SLC6A15: variants seen among roughly 807,000 people sequenced by gnomAD.
The protein encoded by SLC6A15 is solute carrier family 6 member 15.
Under a neutral mutation model 68.5 loss-of-function variants are expected in SLC6A15, and 33 were observed. The observed-to-expected ratio is 0.48, with a 90% CI of 0.37 to 0.64. The LOEUF is 0.64. Ranked by LOEUF, SLC6A15 falls within the 30% of genes least tolerant of loss-of-function variation. The probability of loss-of-function intolerance (pLI) is 0.00; values close to 1 mark genes in which losing one functional copy is unlikely to be tolerated. For synonymous variants in SLC6A15, 347 were observed against 301.0 expected (o/e 1.15, Z -1.58); for missense variants, 747 against 874.3 (o/e 0.85, Z 1.84).
At chr12:84,911,148 A>T (rs751795094) in intron 1 of SLC6A15, among the ~76,000 whole-genome samples, 2 of 152,200 alleles carry the variant, frequency 1.3e-5, no homozygotes, top group Non-Finnish European at 2.9e-5. Flanking sequence ...GTGTCTGCAC[A>T]TAATAATTCC....
intron 1 of SLC6A15, among the ~76,000 whole-genome samples, chr12:84,895,109 G>A (rs1872583194): frequency 6.6e-6 from 1 of 151,684 alleles, no homozygotes; most frequent in Non-Finnish European, 1.5e-5. Flanking sequence ...GTCTGGGGTG[G>A]TTGTAGGAAG....
At chr12:84,900,307 A>G (rs1263037631) in intron 1 of SLC6A15, among the ~76,000 whole-genome samples, 2 of 152,020 alleles carry the variant, frequency 1.3e-5, no homozygotes, top group Non-Finnish European at 2.9e-5. Flanking sequence ...CTGATTTTTA[A>G]TATAGGTTTC....
At chr12:84,889,874 C>A (rs1433125561) in intron 2 of SLC6A15, among the ~76,000 whole-genome samples, 1 of 152,164 alleles carries the variant, frequency 6.6e-6, no homozygotes, top group Admixed American at 6.5e-5. Context: ...CTATACTATA[C>A]CACCTACTTC....
At chr12:84,871,243 C>T (rs1871273108) in intron 8 of SLC6A15, among the ~76,000 whole-genome samples, 1 of 150,082 alleles carries the variant, frequency 6.7e-6, no homozygotes, top group South Asian at 2.1e-4. Flanking sequence ...TTATAAAAAG[C>T]CAATTTTTAA....
At chr12:84,894,089 C>T (rs938277230) in intron 1 of SLC6A15, among the ~76,000 whole-genome samples, 4 of 152,082 alleles carry the variant, frequency 2.6e-5, no homozygotes, top group African/African-American at 9.7e-5. Flanking sequence ...TGAGGTTTGA[C>T]ATTTTGTCTG....
chr12:84,891,662 C>G (rs560415717), intron 2 of SLC6A15, among the ~76,000 whole-genome samples, 170 bp downstream of exon 2: 1 of 152,174 alleles, frequency 6.6e-6, no homozygotes, highest in Non-Finnish European at 1.5e-5. Flanking sequence ...CCTGTGGAAA[C>G]GTAATCTGAA....
intron 10 of SLC6A15, among the ~76,000 whole-genome samples, chr12:84,865,953 G>GT (rs1871046630): frequency 6.6e-6 from 1 of 152,160 alleles, no homozygotes; most frequent in Non-Finnish European, 1.5e-5. Flanking sequence ...TAAATACCAA[G>GT]TAGCATGATT....
At chr12:84,880,287 G>A (rs1871761848) in intron 5 of SLC6A15, among the ~76,000 whole-genome samples, 1 of 152,054 alleles carries the variant, frequency 6.6e-6, no homozygotes, top group African/African-American at 2.4e-5. Flanking sequence ...AAATATCTGT[G>A]TCATTTATAA....
chr12:84,859,814 A>G lies in SLC6A15; in HGVS notation c.*1818T>C, dbSNP rs572083890. The G allele has an allele frequency of 2.0e-5, 3 of 152,174 alleles. No individual in the cohort carries two copies. The highest frequency in any genetic ancestry group is 4.1e-4 in the South Asian group (2 of 4,830). 9.4% of individuals were successfully genotyped at this position (152,174 alleles called of 1,614,324 possible). On this transcript the variant is annotated 3_prime_UTR_variant, in exon 12 of 12. Transcript: ENST00000266682. ...CTGTCCAAAATAAATTATTCACAGA[A>G]ATAGGTAAGATATAGAAGAGAGAAT...
intron 5 of SLC6A15, among the ~76,000 whole-genome samples, chr12:84,878,352 C>A (rs183966239): frequency 6.6e-6 from 1 of 152,038 alleles, no homozygotes. Context: ...ATTCTCCCTG[C>A]GTACTTTTGG....
intron 5 of SLC6A15, among the ~76,000 whole-genome samples, chr12:84,879,571 C>T (rs936828070): frequency 6.6e-6 from 1 of 151,746 alleles, no homozygotes; most frequent in African/African-American, 2.4e-5. Flanking sequence ...GGCAATCCAC[C>T]CGCCTCGGCC....
At chr12:84,904,250 A>AGAGAGAGAGAGAGAGAGAGAGAGAGAGAG (rs58378838) in intron 1 of SLC6A15, among the ~76,000 whole-genome samples, 32 of 149,380 alleles carry the variant, frequency 2.1e-4, no homozygotes, top group African/African-American at 6.7e-4. Context: ...AGAGAGAGAG[A>AGAGAGAGAGAGAGAGAGAGAGAGAGAGAG]AATAGTCTCA....
chr12:84,884,839 T>A (rs576039854), intron 4 of SLC6A15, among the ~76,000 whole-genome samples: 76 of 152,036 alleles, frequency 5.0e-4, no homozygotes, highest in Non-Finnish European at 9.3e-4. Context: ...TTAGAGTAAT[T>A]ATATATTGAA....
At chr12:84,866,999 A>G (rs1407770114) in intron 10 of SLC6A15, 35 bp downstream of exon 10, 3 of 1,450,368 alleles carry the variant, frequency 2.1e-6, no homozygotes, top group Non-Finnish European at 2.8e-6. Flanking sequence ...CAAACTAGAG[A>G]TTAAAAGTGA....
intron 1 of SLC6A15, among the ~76,000 whole-genome samples, chr12:84,902,013 A>G (rs1872905568): frequency 6.6e-6 from 1 of 151,918 alleles, no homozygotes; most frequent in African/African-American, 2.4e-5. Context: ...CAATTAGTTT[A>G]TAGTTATGGT....
Position 84,892,138 on chromosome 12 carries a change from AT to A in SLC6A15, c.-19del. The A allele has an allele frequency of 1.6e-5, 21 of 1,340,604 alleles. No homozygotes were observed. Among genetic ancestry groups the A allele is most frequent in the South Asian group, 4.4e-5 (3 of 68,174 alleles). The allele number at this position is 1,340,604 out of a possible 1,614,324, so 83.0% of individuals were successfully genotyped here. On this transcript the variant is annotated 5_prime_UTR_variant, in exon 2 of 12. Transcript: ENST00000266682. ...TTGGGCATTGGAGAGTATGCGAAGT[AT>A]TTAAAAAAAAAAAAAAAAACTCCCT...
intron 4 of SLC6A15, among the ~76,000 whole-genome samples, chr12:84,885,211 C>G (rs1872034468): frequency 6.6e-6 from 1 of 151,998 alleles, no homozygotes; most frequent in Admixed American, 6.6e-5. Flanking sequence ...ACCCTAATAT[C>G]TTAGGGCATA....
Position 84,892,042 on chromosome 12 carries a change from CA to C in SLC6A15, c.78del (p.Asn26LysfsTer14). The C allele has an allele frequency of 6.2e-7, 1 of 1,612,896 alleles. No individual in the cohort carries two copies. Among genetic ancestry groups the C allele is most frequent in the Non-Finnish European group, 8.5e-7 (1 of 1,179,618 alleles). ...TTAAAAGCATCATCAGCTGCGTCTT[CA>C]TTGGAAAGAAGGTCTTTGACAGACT... Reference protein sequence around the residue: ...VTESVKDLLSNEDAADDAFKT... With the variant: ...VTESVKDLLSXEDAADDAFKT... On this transcript the variant is annotated frameshift_variant, in exon 2 of 12. Coordinates refer to ENST00000266682, the MANE Select transcript of SLC6A15 (RefSeq NM_182767.6). LOFTEE classifies it high-confidence loss of function.
intron 11 of SLC6A15, among the ~76,000 whole-genome samples, chr12:84,863,238 A>G (rs1870924583): frequency 6.6e-6 from 1 of 152,162 alleles, no homozygotes; most frequent in African/African-American, 2.4e-5. Context: ...AGTGCTTCAC[A>G]TGTGTTGAAA....
Sources: gnomAD v4.1 joint callset for allele counts (sites outside exome capture counted in the v4.1 genomes callset) on GRCh38, gnomAD v4.1.1 for gene constraint, MANE v1.5 for transcripts, NCBI Gene and HGNC (gene_info 2026-07-23, HGNC 2026-07-21) for gene names.